Variants in GLIS1 observed in about 807,000 individuals in gnomAD.
The protein encoded by GLIS1 is zinc finger protein GLIS1.
GLIS1 carries 24 observed loss-of-function variants against 63.8 expected under a neutral mutation model. That is an observed-to-expected ratio of 0.38 (90% confidence interval 0.27 to 0.53). The LOEUF is 0.53. Ranked by LOEUF, GLIS1 falls within the 20% of genes least tolerant of loss-of-function variation. The probability of loss-of-function intolerance (pLI) is 0.85; values close to 1 mark genes in which losing one functional copy is unlikely to be tolerated. For synonymous variants in GLIS1, 450 were observed against 482.5 expected, an observed-to-expected ratio of 0.93 and a Z score of 0.88; for missense variants, 1,036 against 1,074.1, an observed-to-expected ratio of 0.96 and a Z score of 0.50.
At position 53,574,564 on chromosome 1, in the gene GLIS1, T is replaced by C. The variant is rs1027453170; in HGVS notation, c.1320+19544A>G. 9.2e-5 allele frequency among the ~76,000 whole-genome samples: 14 copies of C among 152,206 alleles called. No homozygotes were observed. The highest frequency in any genetic ancestry group is 3.4e-4 in the African/African-American group (14 of 41,448). On this transcript the variant is annotated intron_variant, in intron 4 of 10. Coordinates refer to ENST00000628545, the MANE Select transcript of GLIS1 (RefSeq NM_001367484.1). This position sits in a 1 kb window ranked among gnomAD's most constrained non-coding sequence, Gnocchi z 4.2. ...AGAAGCTTCAGAAAGGTAAAGTGACTTTCCCCCGGTCACACAGCACAGCAA... is the reference window on the plus strand; with the variant it reads ...AGAAGCTTCAGAAAGGTAAAGTGACCTTCCCCCGGTCACACAGCACAGCAA...
In GLIS1 at chr1:53,680,704, C is replaced by T. The variant is rs146169491; in HGVS notation, c.259+57102G>A. On this transcript the variant is annotated intron_variant, in intron 2 of 10. Transcript: ENST00000628545. ...TGGGGGAATAGGTGTGATGCTCCTA[C>T]TATCTGCTGAATGAATGAATGAATG... 1.8e-3 allele frequency among the ~76,000 whole-genome samples: 281 copies of T among 152,326 alleles called. 1 individual carries two copies. The highest frequency in any genetic ancestry group is 3.1e-3 in the Non-Finnish European group (212 of 68,034).
intron 2 of GLIS1, among the ~76,000 whole-genome samples, chr1:53,606,552 C>G (rs572327430): frequency 1.3e-5 from 2 of 152,308 alleles, no homozygotes; most frequent in East Asian, 3.9e-4. Flanking sequence ...ATCTCCTAAC[C>G]CTTTCTGCTC....
intron 4 of GLIS1, among the ~76,000 whole-genome samples, chr1:53,556,240 GGTGT>G (rs562739394): frequency 1.1e-4 from 14 of 122,354 alleles, no homozygotes; most frequent in South Asian, 2.9e-4. Flanking sequence ...GTGTACTGTA[GGTGT>G]GTGTGTGTGT....
At chr1:53,508,996 T>G in intron 10 of GLIS1, 124 bp downstream of exon 10, 2 of 970,472 alleles carry the variant, frequency 2.1e-6, no homozygotes, top group Non-Finnish European at 3.0e-6. Flanking sequence ...TCCCCCTCTG[T>G]AAAGTGGGGA....
At chr1:53,691,440 C>T (rs1323172508) in intron 2 of GLIS1, among the ~76,000 whole-genome samples, 2 of 152,196 alleles carry the variant, frequency 1.3e-5, no homozygotes, top group East Asian at 3.9e-4. Flanking sequence ...CCTGGGCCCA[C>T]TCTGGACTCC....
At chr1:53,617,752 G>T (rs1245728298) in intron 2 of GLIS1, among the ~76,000 whole-genome samples, 1 of 152,192 alleles carries the variant, frequency 6.6e-6, no homozygotes, top group African/African-American at 2.4e-5. Flanking sequence ...TATGTTATCG[G>T]TGCATTTCAT....
intron 2 of GLIS1, among the ~76,000 whole-genome samples, chr1:53,651,771 G>A (rs1430082201): frequency 2.6e-5 from 4 of 152,114 alleles, no homozygotes; most frequent in South Asian, 2.1e-4. Context: ...CTACTCAGGG[G>A]GCTGAGGTGG....
At chr1:53,712,583 C>T (rs1646657242) in intron 2 of GLIS1, among the ~76,000 whole-genome samples, 1 of 152,206 alleles carries the variant, frequency 6.6e-6, no homozygotes. Context: ...TTATCAGGAG[C>T]CCTTTGAAGG....
At chr1:53,625,679 G>A (rs934104401) in intron 2 of GLIS1, among the ~76,000 whole-genome samples, 1 of 152,194 alleles carries the variant, frequency 6.6e-6, no homozygotes. Context: ...CAGCCCTGAT[G>A]CTTTGTAAGG....
chr1:53,604,377 G>A (rs538391001), intron 2 of GLIS1, among the ~76,000 whole-genome samples: 26 of 152,314 alleles, frequency 1.7e-4, no homozygotes, highest in Admixed American at 1.6e-3. Context: ...AGAGAGCTTT[G>A]CAAATTACCA....
intron 2 of GLIS1, among the ~76,000 whole-genome samples, chr1:53,709,794 G>A (rs535199100): frequency 6.6e-6 from 1 of 152,278 alleles, no homozygotes; most frequent in Non-Finnish European, 1.5e-5. Context: ...GCATGGCACA[G>A]GTCTGCTGCT....
chr1:53,636,647 C>T (rs980284399), intron 2 of GLIS1, among the ~76,000 whole-genome samples: 4 of 152,184 alleles, frequency 2.6e-5, no homozygotes, highest in African/African-American at 9.7e-5. Flanking sequence ...GGAGCTGACA[C>T]CCACACCCAG....
At chr1:53,582,641 G>A (rs922672749) in intron 4 of GLIS1, among the ~76,000 whole-genome samples, 8 of 152,220 alleles carry the variant, frequency 5.3e-5, no homozygotes, top group Non-Finnish European at 1.2e-4. Context: ...GGCAACACAT[G>A]TAAGTGCTCA....
At chr1:53,603,719 A>G (rs952344260) in intron 2 of GLIS1, among the ~76,000 whole-genome samples, 11 of 152,234 alleles carry the variant, frequency 7.2e-5, no homozygotes, top group African/African-American at 2.7e-4. Context: ...GGCACCCGCA[A>G]CCATGTCTCA....
At chr1:53,587,793 GC>G (rs1469264376) in intron 4 of GLIS1, among the ~76,000 whole-genome samples, 7 of 152,354 alleles carry the variant, frequency 4.6e-5, no homozygotes, top group Admixed American at 1.3e-4. Flanking sequence ...CCAGGACCCA[GC>G]CAGGGGGCAC....
intron 6 of GLIS1, among the ~76,000 whole-genome samples, chr1:53,522,986 CT>C (rs1553120127): frequency 2.7e-3 from 118 of 43,700 alleles, no homozygotes; most frequent in African/African-American, 4.5e-3. Context: ...TCTTTTCTTT[CT>C]TTTTTTTTTT....
At chr1:53,634,246 A>C (rs1205789276) in intron 2 of GLIS1, among the ~76,000 whole-genome samples, 1 of 152,184 alleles carries the variant, frequency 6.6e-6, no homozygotes, top group African/African-American at 2.4e-5. Context: ...GCAGTTTAGG[A>C]GCCAGCTCAG....
chr1:53,509,193 G>T lies in GLIS1; in HGVS notation c.2157C>A (p.Val719=). Reference sequence around the variant, plus strand: ...GGGGGTTGAAACCGTGGGTCTCCCCGACCAGTCCGTCCCCACCGGCTGCTG... The same window carrying T: ...GGGGGTTGAAACCGTGGGTCTCCCCTACCAGTCCGTCCCCACCGGCTGCTG... ...AEPAAGGDGL[V]GETHGFNPLR... Residue 719 remains valine (V), a synonymous_variant, in exon 10 of 11, where the codon GTC becomes GTA. Transcript: ENST00000628545. 6.2e-7 allele frequency: 1 copy of T among 1,600,296 alleles called. No homozygotes were observed. Among genetic ancestry groups the T allele is most frequent in the Non-Finnish European group, 8.5e-7 (1 of 1,174,108 alleles).
chr1:53,698,631 G>A (rs1646491386), intron 2 of GLIS1, among the ~76,000 whole-genome samples: 3 of 152,210 alleles, frequency 2.0e-5, no homozygotes, highest in African/African-American at 4.8e-5. Flanking sequence ...GTTCAGCCCT[G>A]CCACCTGGGT....
Sources: gnomAD v4.1 joint callset for allele counts (sites outside exome capture counted in the v4.1 genomes callset) on GRCh38, gnomAD v4.1.1 for gene constraint, Gnocchi (gnomAD v3.1) non-coding constraint, MANE v1.5 for transcripts, NCBI Gene and HGNC (gene_info 2026-07-23, HGNC 2026-07-21) for gene names.